Variants in PDE1A observed in about 807,000 individuals in gnomAD.
PDE1A encodes dual specificity calcium/calmodulin-dependent 3',5'-cyclic nucleotide phosphodiesterase 1A.
PDE1A carries 35 observed loss-of-function variants against 61.7 expected under a neutral mutation model. The observed-to-expected ratio is 0.57, with a 90% CI of 0.43 to 0.75. The LOEUF (loss-of-function observed/expected upper bound fraction) is 0.75. PDE1A is among the 30% of genes least tolerant of loss of function. The pLI, the probability that PDE1A is intolerant of heterozygous loss-of-function variation, is 0.00. For missense variants in PDE1A, 597 were observed against 630.6 expected (o/e 0.95, Z 0.57); for synonymous variants, 232 against 213.2 (o/e 1.09, Z -0.77).
chr2:182,489,319 G>A lies in PDE1A; in HGVS notation c.101+32957C>T, dbSNP rs565222842. Among the ~76,000 whole-genome samples the A allele has an allele frequency of 3.3e-5, 5 of 152,218 alleles. No homozygotes were observed. The South Asian group carries it at 8.3e-4, about 25-fold the overall frequency. On this transcript the variant is annotated intron_variant, in intron 2 of 14. Transcript: ENST00000410103. Reference sequence around the variant, plus strand: ...GTTAAAAAGATGGAAGAGAAGGGCCGAATTACAAAGAATAAGGATGTTTGA... The same window carrying A: ...GTTAAAAAGATGGAAGAGAAGGGCCAAATTACAAAGAATAAGGATGTTTGA...
intron 2 of PDE1A, among the ~76,000 whole-genome samples, chr2:182,467,863 A>T (rs1686773739): frequency 6.6e-6 from 1 of 152,062 alleles, no homozygotes; most frequent in Non-Finnish European, 1.5e-5. Flanking sequence ...AGCTAACATA[A>T]TAAAATGAGT....
At chr2:182,697,039 TATC>T in the PDE1A span, among the ~76,000 whole-genome samples, 1 of 152,188 alleles carries the variant, frequency 6.6e-6, no homozygotes, top group African/African-American at 2.4e-5. Context: ...CATATAAGCT[TATC>T]ATTTGAGAAA....
the PDE1A span, among the ~76,000 whole-genome samples, chr2:182,624,291 A>G: frequency 6.6e-6 from 1 of 152,206 alleles, no homozygotes; most frequent in Non-Finnish European, 1.5e-5. Context: ...TGCTCAAGGC[A>G]CAGGTGGGCA....
intron 6 of PDE1A, among the ~76,000 whole-genome samples, chr2:182,227,165 T>C (rs967683205): frequency 6.6e-6 from 1 of 152,050 alleles, no homozygotes; most frequent in Non-Finnish European, 1.5e-5. Context: ...GAAGGCAATA[T>C]GCTGAACACA....
the PDE1A span, among the ~76,000 whole-genome samples, chr2:182,651,442 T>A: frequency 2.6e-5 from 4 of 152,222 alleles, no homozygotes; most frequent in African/African-American, 9.6e-5. Flanking sequence ...AGTATGATCT[T>A]TTTCCTCCCA....
chr2:182,559,086 A>G, the PDE1A span, among the ~76,000 whole-genome samples: 2 of 152,216 alleles, frequency 1.3e-5, no homozygotes, highest in South Asian at 4.1e-4. Flanking sequence ...TTTTCAAATC[A>G]TATCACCTTA....
At chr2:182,463,547 T>A (rs1041219477) in intron 2 of PDE1A, 22 of 152,184 alleles carry the variant, frequency 1.4e-4, no homozygotes, top group African/African-American at 5.3e-4. Flanking sequence ...GCAATTTTGA[T>A]AGCCTCAAAC....
the PDE1A span, among the ~76,000 whole-genome samples, chr2:182,713,457 C>T: frequency 6.6e-6 from 1 of 152,088 alleles, no homozygotes; most frequent in Admixed American, 6.5e-5. Flanking sequence ...ATGATGAAAC[C>T]TCGTCTCTAC....
intron 1 of PDE1A, among the ~76,000 whole-genome samples, chr2:182,368,526 T>C (rs1183116972): frequency 7.1e-6 from 1 of 140,618 alleles, no homozygotes; most frequent in Admixed American, 7.2e-5. Context: ...TCTCATCACC[T>C]TTTTTTTTTT....
the PDE1A span, among the ~76,000 whole-genome samples, chr2:182,665,010 A>C: frequency 6.6e-6 from 1 of 152,328 alleles, no homozygotes; most frequent in African/African-American, 2.4e-5. Context: ...TCTTCTTTTA[A>C]AGTTTATAAA....
At chr2:182,523,443 T>C (rs533873040), upstream of PDE1A, among the ~76,000 whole-genome samples, 1 of 152,284 alleles carries the variant, frequency 6.6e-6, no homozygotes, top group South Asian at 2.1e-4. Flanking sequence ...GAGCTTTCTT[T>C]GAAACAAGCA....
Position 182,230,086 on chromosome 2 carries a change from T to G in PDE1A, c.595A>C (p.Lys199Gln), listed in dbSNP as rs760376080. The G allele has an allele frequency of 1.9e-6, 3 of 1,612,980 alleles. No homozygotes were observed. In the Admixed American group the frequency reaches 5.0e-5, roughly 27 times the overall value. The change falls in exon 6 of 14, where the codon AAA (lysine) becomes CAA (glutamine). Residue 199 changes from lysine (K) to glutamine (Q), a missense_variant. Coordinates refer to ENST00000351439, the Ensembl canonical transcript of PDE1A. Reference sequence around the variant, plus strand: ...TGAATCAAATTGTGATATGGATTTTTGTACTTGCTGTAACCAACTTCTAAA... The same window carrying G: ...TGAATCAAATTGTGATATGGATTTTGGTACTTGCTGTAACCAACTTCTAAA...
the PDE1A span, among the ~76,000 whole-genome samples, chr2:182,626,812 T>TACATATATATAC: frequency 1.8e-4 from 7 of 38,068 alleles, 1 homozygote; most frequent in Non-Finnish European, 3.5e-4. Context: ...CATATATATA[T>TACATATATATAC]ACATATATAT....
the PDE1A span, among the ~76,000 whole-genome samples, chr2:182,667,599 C>T: frequency 7.9e-5 from 12 of 152,180 alleles, no homozygotes; most frequent in African/African-American, 1.2e-4. Flanking sequence ...CATTCCTGTT[C>T]GAAGTCTTTG....
chr2:182,182,254 T>G (rs1684826231), intron 13 of PDE1A, among the ~76,000 whole-genome samples: 1 of 152,356 alleles, frequency 6.6e-6, no homozygotes, highest in African/African-American at 2.4e-5. Flanking sequence ...CTGGCATCAT[T>G]TTTGATTCTT....
intron 2 of PDE1A, among the ~76,000 whole-genome samples, chr2:182,496,701 T>C (rs948866413): frequency 6.6e-6 from 1 of 152,268 alleles, no homozygotes; most frequent in African/African-American, 2.4e-5. Flanking sequence ...TTGGCTGGAC[T>C]TTGCCTTTGC....
chr2:182,686,219 T>C, the PDE1A span, among the ~76,000 whole-genome samples: 1 of 152,124 alleles, frequency 6.6e-6, no homozygotes, highest in Non-Finnish European at 1.5e-5. Context: ...AATCTATTAA[T>C]ATAATTATAT....
intron 1 of PDE1A, among the ~76,000 whole-genome samples, chr2:182,367,428 T>C (rs1362595986): frequency 1.3e-5 from 2 of 151,950 alleles, no homozygotes; most frequent in African/African-American, 4.8e-5. Flanking sequence ...TGTTTCAAGT[T>C]CAAACCAGCA....
downstream of PDE1A, among the ~76,000 whole-genome samples, chr2:182,145,722 C>T (rs185433623): frequency 1.4e-4 from 22 of 152,134 alleles, no homozygotes; most frequent in South Asian, 8.3e-4. Context: ...GAGCGAGACT[C>T]GGTCTCCAAA....
Sources: allele counts gnomAD v4.1 joint callset (sites outside exome capture counted in the v4.1 genomes callset), GRCh38; gene constraint gnomAD v4.1.1; transcripts MANE v1.5; gene names NCBI Gene and HGNC (gene_info 2026-07-23, HGNC 2026-07-21).